The following TMEM117 variants were observed in gnomAD, a reference collection of about 807,000 sequenced individuals.
TMEM117 encodes the protein transmembrane protein 117.
TMEM117 carries 27 observed loss-of-function variants against 52.4 expected under a neutral mutation model. That is an observed-to-expected ratio of 0.51 (90% CI 0.38 to 0.71). TMEM117 has a LOEUF of 0.71. Among genes scored for constraint, TMEM117 ranks in the 30% least tolerant of loss-of-function variants. TMEM117 has a pLI of 0.00. For synonymous variants in TMEM117, 215 were observed against 206.3 expected (o/e 1.04, Z -0.36); for missense variants, 556 against 630.5 (o/e 0.88, Z 1.26).
intron 5 of TMEM117, among the ~76,000 whole-genome samples, chr12:44,251,795 G>A (rs894422719): frequency 2.0e-5 from 3 of 152,034 alleles, no homozygotes; most frequent in Non-Finnish European, 2.9e-5. Flanking sequence ...AAAAATTTCA[G>A]AGGCCACAAA....
chr12:44,253,893 G>T (rs987763885), intron 5 of TMEM117, among the ~76,000 whole-genome samples: 1 of 134,922 alleles, frequency 7.4e-6, no homozygotes, highest in Non-Finnish European at 1.6e-5. Flanking sequence ...CTCTCTCAAA[G>T]AAACATTACA....
intron 4 of TMEM117, among the ~76,000 whole-genome samples, chr12:44,161,681 C>T (rs1216996028): frequency 1.3e-5 from 2 of 152,082 alleles, no homozygotes; most frequent in Non-Finnish European, 2.9e-5. Context: ...ATATGCCTGG[C>T]ATTTAGGAAG....
At chr12:44,340,289 T>A (rs1328824769) in intron 6 of TMEM117, among the ~76,000 whole-genome samples, 2 of 152,078 alleles carry the variant, frequency 1.3e-5, no homozygotes, top group East Asian at 1.9e-4. Flanking sequence ...AAGAGAAAGT[T>A]GATTAATATA....
At chr12:43,993,576 A>G (rs7296132) in intron 3 of TMEM117, among the ~76,000 whole-genome samples, 119,546 of 152,084 alleles carry the variant, frequency 0.79, 49,811 homozygotes, top group East Asian at 0.91. Flanking sequence ...GGTGGAAGAT[A>G]TGAGGAGAAA....
At chr12:43,836,972 G>C (rs1425887814) in intron 1 of TMEM117, among the ~76,000 whole-genome samples, 1 of 152,090 alleles carries the variant, frequency 6.6e-6, no homozygotes, top group African/African-American at 2.4e-5. Context: ...GAAGCTACAG[G>C]GTTTTGTTTT....
chr12:44,102,699 A>G (rs1263640073), intron 3 of TMEM117, among the ~76,000 whole-genome samples: 1 of 151,884 alleles, frequency 6.6e-6, no homozygotes, highest in Non-Finnish European at 1.5e-5. Context: ...TAAGTTCCTC[A>G]TATTTTTTGG....
chr12:44,165,188 A>C (rs1023589122), intron 4 of TMEM117, among the ~76,000 whole-genome samples: 1 of 152,114 alleles, frequency 6.6e-6, no homozygotes, highest in Admixed American at 6.5e-5. Context: ...GTGTGAACAC[A>C]CAAAAGTTTA....
intron 6 of TMEM117, among the ~76,000 whole-genome samples, chr12:44,331,379 G>C (rs1236673932): frequency 6.6e-6 from 1 of 151,880 alleles, no homozygotes; most frequent in African/African-American, 2.4e-5. Context: ...AGCTTTGTCA[G>C]CTTTAATAAC....
At chr12:44,089,163 A>G (rs978114132) in intron 3 of TMEM117, among the ~76,000 whole-genome samples, 1 of 152,188 alleles carries the variant, frequency 6.6e-6, no homozygotes, top group Non-Finnish European at 1.5e-5. Flanking sequence ...ATAAATAACA[A>G]TGTTAAATGT....
Position 43,897,334 on chromosome 12 carries a change from C to G in TMEM117, c.278-46876C>G, listed in dbSNP as rs533720261. 2.0e-3 allele frequency among the ~76,000 whole-genome samples: 270 copies of G among 132,902 alleles called. 1 individual carries two copies. The highest frequency in any genetic ancestry group is 3.6e-3 in the Admixed American group (44 of 12,106). The allele number at this position is 132,902 out of a possible 152,430, so 87.2% of individuals were successfully genotyped here. A position where few individuals can be genotyped will look rare whatever the true frequency, so the allele number is the denominator to read the frequency against. ...ATTCTTTTTTTTTTTTTTTTTGAGA[C>G]AGAGTCTCACATTGTCACCTGGGCT... On this transcript the variant is annotated intron_variant, in intron 2 of 7. Coordinates refer to ENST00000266534, the MANE Select transcript of TMEM117 (RefSeq NM_032256.3).
the TMEM117 span, among the ~76,000 whole-genome samples, chr12:43,812,104 A>G: frequency 1.7e-4 from 26 of 152,214 alleles, no homozygotes; most frequent in African/African-American, 5.5e-4. Context: ...TTAAGATTCT[A>G]TCTGTTGAGT....
At chr12:44,102,935 C>T (rs1947887743) in intron 3 of TMEM117, among the ~76,000 whole-genome samples, 1 of 152,002 alleles carries the variant, frequency 6.6e-6, no homozygotes, top group African/African-American at 2.4e-5. Flanking sequence ...TTGCTCTGCA[C>T]TTTTCCTTGC....
intron 3 of TMEM117, among the ~76,000 whole-genome samples, chr12:43,957,106 G>T (rs1463094413): frequency 6.6e-6 from 1 of 152,100 alleles, no homozygotes; most frequent in Admixed American, 6.5e-5. Flanking sequence ...TGAACAATGA[G>T]AACACATGGA....
chr12:44,208,363 T>C (rs17094228), intron 4 of TMEM117, among the ~76,000 whole-genome samples: 4 of 152,032 alleles, frequency 2.6e-5, no homozygotes, highest in Admixed American at 6.6e-5. Flanking sequence ...CAAAGAGTTA[T>C]GCACATTTCT....
intron 5 of TMEM117, among the ~76,000 whole-genome samples, chr12:44,227,546 G>C (rs1372275659): frequency 6.6e-6 from 1 of 152,124 alleles, no homozygotes; most frequent in African/African-American, 2.4e-5. Context: ...AATGGGTTTT[G>C]GGGTTGGCTA....
chr12:44,271,496 T>C (rs1192860521), intron 5 of TMEM117, among the ~76,000 whole-genome samples: 3 of 151,996 alleles, frequency 2.0e-5, no homozygotes, highest in Non-Finnish European at 4.4e-5. Context: ...GAAAATACAA[T>C]AGGGAAACAA....
intron 3 of TMEM117, chr12:44,009,821 C>T (rs967862018): frequency 7.3e-6 from 2 of 275,154 alleles, no homozygotes; most frequent in African/African-American, 2.3e-5. Context: ...GCTTCTGCAC[C>T]CAGTTCTGGG....
At chr12:43,945,533 G>A (rs1256396609) in intron 3 of TMEM117, among the ~76,000 whole-genome samples, 1 of 152,098 alleles carries the variant, frequency 6.6e-6, no homozygotes, top group East Asian at 1.9e-4. Flanking sequence ...ATGTTGGTTC[G>A]TCTGGTCTCG....
chr12:44,010,761 T>G (rs1946277363), intron 3 of TMEM117, among the ~76,000 whole-genome samples: 1 of 152,330 alleles, frequency 6.6e-6, no homozygotes, highest in Middle Eastern at 3.4e-3. Flanking sequence ...GGGTAGTGCA[T>G]GTACCTTATA....
Sources: allele counts gnomAD v4.1 joint callset (sites outside exome capture counted in the v4.1 genomes callset), GRCh38; gene constraint gnomAD v4.1.1; transcripts MANE v1.5; gene names NCBI Gene and HGNC (gene_info 2026-07-23, HGNC 2026-07-21).